RFX4: variants seen among roughly 807,000 people sequenced by gnomAD.
RFX4 encodes the protein transcription factor RFX4.
Under a neutral mutation model 95.0 loss-of-function variants are expected in RFX4, and 10 were observed. The observed-to-expected ratio is 0.11, with a 90% confidence interval of 0.06 to 0.18. The LOEUF is 0.18. RFX4 is among the 10% of genes least tolerant of loss of function. The pLI is 1.00. For synonymous variants in RFX4, 321 were observed against 340.7 expected (o/e 0.94, Z 0.64); for missense variants, 640 against 922.0 (o/e 0.69, Z 3.96).
At chr12:106,633,149 C>T (rs911193722) in intron 2 of RFX4, among the ~76,000 whole-genome samples, 15 of 152,188 alleles carry the variant, frequency 9.9e-5, no homozygotes, top group Non-Finnish European at 2.2e-4. Context: ...GGCATTCAGA[C>T]CCTGGGCACA....
intron 8 of RFX4, among the ~76,000 whole-genome samples, chr12:106,701,301 T>C (rs183490624): frequency 3.0e-4 from 46 of 152,320 alleles, no homozygotes; most frequent in African/African-American, 1.1e-3. Context: ...CTGTCTTTGG[T>C]TTTTCAGTCT....
chr12:106,741,832 T>C (rs1032054521), intron 15 of RFX4, among the ~76,000 whole-genome samples: 1 of 152,184 alleles, frequency 6.6e-6, no homozygotes, highest in Non-Finnish European at 1.5e-5. Flanking sequence ...AGGATAAAAC[T>C]GTTCCACCTC....
At chr12:106,610,574 T>A (rs987267427) in intron 2 of RFX4, among the ~76,000 whole-genome samples, 4 of 152,248 alleles carry the variant, frequency 2.6e-5, no homozygotes, top group Non-Finnish European at 4.4e-5. Context: ...GTTTGTCTTT[T>A]TATGACTGGC....
intron 8 of RFX4, among the ~76,000 whole-genome samples, chr12:106,700,544 C>T (rs2137463828): frequency 6.6e-6 from 1 of 150,568 alleles, no homozygotes; most frequent in African/African-American, 2.4e-5. Context: ...GTAGCTGGGA[C>T]TACAGGCGCC....
intron 4 of RFX4, among the ~76,000 whole-genome samples, chr12:106,667,314 A>G (rs936652566): frequency 3.3e-5 from 5 of 152,154 alleles, no homozygotes; most frequent in Non-Finnish European, 7.3e-5. Flanking sequence ...TTAGGCTCTG[A>G]TAATACCCCA....
intron 3 of RFX4, among the ~76,000 whole-genome samples, chr12:106,647,777 A>G (rs2040776901): frequency 6.6e-6 from 1 of 152,218 alleles, no homozygotes; most frequent in African/African-American, 2.4e-5. Flanking sequence ...GTCCCCCACA[A>G]TAAAGGGCCT....
At position 106,696,355 on chromosome 12, in the gene RFX4, G is replaced by C; in HGVS notation, c.742G>C (p.Val248Leu). 1 of 1,614,202 alleles carries C rather than the reference G, an allele frequency of 6.2e-7. No homozygotes were observed. The highest frequency in any genetic ancestry group is 8.5e-7 in the Non-Finnish European group (1 of 1,180,028). ...GCTGCCTGTGCTGGGCTCCTCCACG[G>C]TGGTGAACATTGTCGGCGTGTGTGA... Reference protein sequence around the residue: ...HMLPVLGSSTVVNIVGVCDSI... With the variant: ...HMLPVLGSSTLVNIVGVCDSI... Residue 248 changes from valine to leucine, a missense_variant, in exon 8 of 18, where the codon GTG becomes CTG. Transcript: ENST00000392842.
rs1206112414 is a variant in RFX4 at position 106,590,055 on chromosome 12, C to T, written c.43+6692C>T. Among the ~76,000 whole-genome samples, 3 of 152,138 alleles carry T rather than the reference C, an allele frequency of 2.0e-5. No homozygotes were observed. In the East Asian group the frequency reaches 5.8e-4, roughly 29 times the overall value. ...AGTTCTAGACCCACAAATAAGTAAA[C>T]ACAAAAATAGATAATTTCAGTAAGT... On this transcript the variant is annotated intron_variant, in intron 1 of 17. Transcript: ENST00000392842.
At chr12:106,677,227 A>C (rs947277094) in intron 4 of RFX4, among the ~76,000 whole-genome samples, 1 of 152,228 alleles carries the variant, frequency 6.6e-6, no homozygotes, top group Non-Finnish European at 1.5e-5. Context: ...AAACAGAGAA[A>C]GGAGGCAGCT....
At chr12:106,677,555 G>C (rs2041418087) in intron 4 of RFX4, among the ~76,000 whole-genome samples, 1 of 152,096 alleles carries the variant, frequency 6.6e-6, no homozygotes, top group African/African-American at 2.4e-5. Context: ...GAAAGATCCT[G>C]CCGCTGAGGC....
intron 11 of RFX4, among the ~76,000 whole-genome samples, chr12:106,716,034 C>T (rs1026673458): frequency 9.9e-5 from 15 of 152,212 alleles, no homozygotes; most frequent in East Asian, 3.9e-4. Context: ...GTTCATGTCC[C>T]GGTGAACAAG....
intron 4 of RFX4, among the ~76,000 whole-genome samples, chr12:106,675,499 C>CA (rs1269997075): frequency 6.6e-6 from 1 of 151,602 alleles, no homozygotes; most frequent in Non-Finnish European, 1.5e-5. Context: ...GTTCTCACCA[C>CA]AAAAAAATAA....
At chr12:106,717,000 CA>C (rs71311249) in intron 11 of RFX4, among the ~76,000 whole-genome samples, 3,010 of 60,486 alleles carry the variant, frequency 0.05, 10 homozygotes, top group South Asian at 0.057. Flanking sequence ...GCACAGGAGA[CA>C]AAAAAAAAAA....
chr12:106,634,878 C>T (rs555341881), intron 2 of RFX4, among the ~76,000 whole-genome samples: 1 of 152,330 alleles, frequency 6.6e-6, no homozygotes, highest in South Asian at 2.1e-4. Flanking sequence ...TATCACAGCA[C>T]TTACCACTTC....
At chr12:106,639,490 A>G (rs1184057865) in intron 3 of RFX4, 98 bp downstream of exon 3, 1 of 1,073,404 alleles carries the variant, frequency 9.3e-7, no homozygotes, top group African/African-American at 1.6e-5. Context: ...CATTGTCCTG[A>G]TAACTTGACA....
Position 106,717,171 on chromosome 12 carries a change from C to G in RFX4, c.1138+1627C>G, listed in dbSNP as rs181491374. Among the ~76,000 whole-genome samples the G allele has an allele frequency of 8.5e-5, 13 of 152,210 alleles. No homozygotes were observed. The East Asian group carries it at 1.9e-3, about 23-fold the overall frequency. ...ATAGCACTGGGGGTACCTTTGATCACTGTGCCCCTAGGAACTCCCAATGGG... is the reference window on the plus strand; with the variant it reads ...ATAGCACTGGGGGTACCTTTGATCAGTGTGCCCCTAGGAACTCCCAATGGG... On this transcript the variant is annotated intron_variant, in intron 11 of 17. Transcript: ENST00000392842.
At chr12:106,705,034 A>G (rs1455479035) in intron 8 of RFX4, among the ~76,000 whole-genome samples, 1 of 152,206 alleles carries the variant, frequency 6.6e-6, no homozygotes, top group Non-Finnish European at 1.5e-5. Context: ...CAGCGGTTGT[A>G]AGTCAGATAG....
At chr12:106,710,198 A>G (rs1437370925) in intron 9 of RFX4, among the ~76,000 whole-genome samples, 2 of 152,186 alleles carry the variant, frequency 1.3e-5, no homozygotes, top group Admixed American at 6.5e-5. Context: ...TTTGAATACA[A>G]CGGCTTGCTA....
At position 106,586,440 on chromosome 12, in the gene RFX4, G is replaced by A. The variant is rs2039459835; in HGVS notation, c.43+3077G>A. ...GGAAATTCGAGAACGATGGGGGAAA[G>A]TGGGTAGAATTTTAGGCCACCGAGA... On this transcript the variant is annotated intron_variant, in intron 1 of 17. Transcript: ENST00000392842. The surrounding 1 kb of genome is among the most constrained non-coding windows in gnomAD (Gnocchi z 5.6). Among the ~76,000 whole-genome samples the A allele has an allele frequency of 6.6e-6, 1 of 151,740 alleles. No homozygotes were observed. The highest frequency in any genetic ancestry group is 6.6e-5 in the Admixed American group (1 of 15,246).
Sources: allele counts gnomAD v4.1 joint callset (sites outside exome capture counted in the v4.1 genomes callset), GRCh38; gene constraint gnomAD v4.1.1; non-coding constraint Gnocchi (gnomAD v3.1); transcripts MANE v1.5; gene names NCBI Gene and HGNC (gene_info 2026-07-23, HGNC 2026-07-21).